The following COL1A2 variants were observed in gnomAD, a reference collection of about 807,000 sequenced individuals.
COL1A2 encodes the protein collagen alpha-2(I) chain.
A neutral mutation model predicts 174.3 loss-of-function variants in COL1A2; 49 were observed. The observed-to-expected ratio is 0.28, with a 90% CI of 0.22 to 0.36. The LOEUF is 0.36. Among genes scored for constraint, COL1A2 ranks in the 10% least tolerant of loss-of-function variants. The pLI is 1.00. For missense variants in COL1A2, 1,438 were observed against 1,822.7 expected (o/e 0.79, Z 3.84); for synonymous variants, 655 against 606.6 (o/e 1.08, Z -1.17).
intron 29 of COL1A2, among the ~76,000 whole-genome samples, 170 bp downstream of exon 29, chr7:94,414,445 C>T (rs940955772): frequency 6.6e-6 from 1 of 152,148 alleles, no homozygotes; most frequent in Admixed American, 6.5e-5. Flanking sequence ...AGCCAAATTA[C>T]TTTAGTTCTG....
At chr7:94,402,435 C>G (rs1791705582) in intron 6 of COL1A2, among the ~76,000 whole-genome samples, 1 of 152,018 alleles carries the variant, frequency 6.6e-6, no homozygotes, top group Non-Finnish European at 1.5e-5. Context: ...GAGTAAAAAT[C>G]TAGCATTTAT....
chr7:94,398,361 C>A (rs763645397), intron 2 of COL1A2, 21 bp from the exon 3 acceptor site: 7 of 868,414 alleles, frequency 8.1e-6, no homozygotes, highest in Non-Finnish European at 1.2e-5. Flanking sequence ...TCATAATAAT[C>A]TTTGATTTAT....
chr7:94,413,215 A>G (rs2115906591), intron 26 of COL1A2, 79 bp downstream of exon 26: 1 of 1,376,432 alleles, frequency 7.3e-7, no homozygotes, highest in South Asian at 1.2e-5. Flanking sequence ...ACCATCTGAT[A>G]TCATTTTGTC....
chr7:94,414,321 A>G (rs1417884071), intron 29 of COL1A2, 46 bp downstream of exon 29: 12 of 1,549,934 alleles, frequency 7.7e-6, no homozygotes, highest in Non-Finnish European at 1.1e-5. Flanking sequence ...AAACTTGAGA[A>G]TTTCCCCCTG....
chr7:94,404,941 G>T, intron 9 of COL1A2, 49 bp downstream of exon 9: 1 of 1,597,118 alleles, frequency 6.3e-7, no homozygotes, highest in Non-Finnish European at 8.6e-7. Flanking sequence ...AAATACTCTT[G>T]CCTCAACAAG....
chr7:94,398,888 A>G (rs1791632217), intron 3 of COL1A2, among the ~76,000 whole-genome samples, 161 bp from the exon 4 acceptor site: 1 of 152,142 alleles, frequency 6.6e-6, no homozygotes, highest in African/African-American at 2.4e-5. Flanking sequence ...ATTAAAATAT[A>G]TACTTTTATC....
At chr7:94,405,319 C>A in intron 10 of COL1A2, 67 bp downstream of exon 10, 1 of 1,439,472 alleles carries the variant, frequency 6.9e-7, no homozygotes. Context: ...CTAAAACTAG[C>A]ATCAATCTAA....
In COL1A2 at chr7:94,430,429, G is replaced by T. The variant is rs1347460008; in HGVS notation, c.*36G>T. The T allele has an allele frequency of 3.7e-6, 6 of 1,601,882 alleles. No homozygotes were observed. Among genetic ancestry groups the T allele is most frequent in the Non-Finnish European group, 5.1e-6 (6 of 1,174,518 alleles). ...TCTAAATTAAAAAAGAAAGAAATTT[G>T]AAAAAACTTTCTCTTTGCCATTTCT... On this transcript the variant is annotated 3_prime_UTR_variant, in exon 52 of 52. Coordinates refer to ENST00000297268, the MANE Select transcript of COL1A2 (RefSeq NM_000089.4).
intron 49 of COL1A2, 109 bp from the exon 50 acceptor site, chr7:94,428,184 A>G: frequency 9.8e-7 from 1 of 1,017,302 alleles, no homozygotes; most frequent in South Asian, 1.3e-5. Flanking sequence ...TATGGGGTAG[A>G]CAATCAAAAA....
chr7:94,425,966 G>A (rs2115953199), intron 44 of COL1A2, 32 bp from the exon 45 acceptor site: 1 of 1,613,278 alleles, frequency 6.2e-7, no homozygotes, highest in Non-Finnish European at 8.5e-7. Flanking sequence ...CTTGGGCCTA[G>A]CTAAGTTGTG....
rs760256017 is a variant in COL1A2, at chr7:94,405,809, C to T, written c.540+83C>T. ...CAAGTATGTTTAAAATCTTGGGTGACATATACTCACTTTCAAATCCCTGGA... is the reference window on the plus strand; with the variant it reads ...CAAGTATGTTTAAAATCTTGGGTGATATATACTCACTTTCAAATCCCTGGA... On this transcript the variant is annotated intron_variant, in intron 11 of 51. Coordinates refer to ENST00000297268, the MANE Select transcript of COL1A2 (RefSeq NM_000089.4). 176 of 1,058,428 alleles carry T rather than the reference C, an allele frequency of 1.7e-4. 1 individual carries two copies. Among genetic ancestry groups the T allele is most frequent in the African/African-American group, 7.3e-4 (47 of 64,002 alleles). The allele number at this position is 1,058,428 out of a possible 1,614,324, so 65.6% of individuals were successfully genotyped here.
intron 45 of COL1A2, 51 bp from the exon 46 acceptor site, chr7:94,426,372 T>A: frequency 6.8e-7 from 1 of 1,471,800 alleles, no homozygotes; most frequent in African/African-American, 1.4e-5. Flanking sequence ...GTGAAGTGAG[T>A]GCCATTTTTT....
At chr7:94,406,191 T>G in intron 11 of COL1A2, 59 bp from the exon 12 acceptor site, 1 of 1,559,418 alleles carries the variant, frequency 6.4e-7, no homozygotes, top group South Asian at 1.1e-5. Flanking sequence ...TACAATACAA[T>G]TTTTATTTGA....
chr7:94,418,996 T>A (rs1792098219), intron 33 of COL1A2, among the ~76,000 whole-genome samples: 1 of 150,278 alleles, frequency 6.7e-6, no homozygotes, highest in Non-Finnish European at 1.5e-5. Context: ...AAAGATTAGC[T>A]GTTAATGCCA....
At position 94,409,306 on chromosome 7, in the gene COL1A2, T is replaced by G. The variant is rs773650795; in HGVS notation, c.793-16T>G. 3.7e-6 allele frequency: 6 copies of G among 1,609,242 alleles called. No individual in the cohort carries two copies. In the African/African-American group the frequency reaches 6.7e-5, roughly 18 times the overall value. The stretch of plus-strand genomic sequence containing the variant: ...TTATTTGCTGGTTAATTCCTTGGTT[T>G]AATTTCCTCTTTTAGGGTGAAATTG... On this transcript the variant is annotated splice_polypyrimidine_tract_variant and intron_variant, in intron 16 of 51. Coordinates refer to ENST00000297268, the MANE Select transcript of COL1A2 (RefSeq NM_000089.4).
At chr7:94,425,910 C>T (rs1312979549) in intron 44 of COL1A2, 53 bp downstream of exon 44, 42 of 1,603,356 alleles carry the variant, frequency 2.6e-5, no homozygotes, top group Non-Finnish European at 3.3e-5. Flanking sequence ...GGCTTCACTT[C>T]TGACTTCCCC....
In COL1A2 at chr7:94,411,134, C is replaced by T. The variant is rs1791914446; in HGVS notation, c.1330C>T (p.Pro444Ser). Residue 444 changes from proline to serine, a missense_variant, in exon 23 of 52, where the codon CCT becomes TCT. Coordinates refer to ENST00000297268, the MANE Select transcript of COL1A2 (RefSeq NM_000089.4). ...TGGAGATGCTGGTCGCCCTGGGGAGCCTGGTCTCATGGGACCCAGAGTAAG... is the reference window on the plus strand; with the variant it reads ...TGGAGATGCTGGTCGCCCTGGGGAGTCTGGTCTCATGGGACCCAGAGTAAG... ...PNGDAGRPGE[P>S]GLMGPRGLPG... 1 of 1,590,968 alleles carries T rather than the reference C, an allele frequency of 6.3e-7. No individual in the cohort carries two copies. Among genetic ancestry groups the T allele is most frequent in the African/African-American group, 1.3e-5 (1 of 74,094 alleles).
chr7:94,425,549 A>G, intron 42 of COL1A2, 61 bp from the exon 43 acceptor site: 1 of 1,533,404 alleles, frequency 6.5e-7, no homozygotes. Flanking sequence ...TAGCTACAAC[A>G]TAGGGGCTGG....
chr7:94,400,217 A>G lies in COL1A2; in HGVS notation c.154A>G (p.Arg52Gly). 1 of 1,613,356 alleles carries G rather than the reference A, an allele frequency of 6.2e-7. No individual in the cohort carries two copies. Residue 52 changes from arginine to glycine, a missense_variant, in exon 5 of 52, where the codon AGA becomes GGA. By Grantham distance (125) the Arg-to-Gly change is moderately radical. This residue lies in a region of COL1A2 where 281 missense variants were observed against 310.9 expected (regional missense o/e 0.90). Coordinates refer to ENST00000297268, the MANE Select transcript of COL1A2 (RefSeq NM_000089.4). ...ACAGGGTCCACCAGGCCCCCCAGGCAGAGATGGTGAAGATGGTCCCACAGG... is the reference window on the plus strand; with the variant it reads ...ACAGGGTCCACCAGGCCCCCCAGGCGGAGATGGTGAAGATGGTCCCACAGG... ...GERGPPGPPG[R>G]DGEDGPTGPP...
Sources: gnomAD v4.1 joint callset for allele counts (sites outside exome capture counted in the v4.1 genomes callset) on GRCh38, gnomAD v4.1.1 for gene constraint, gnomAD v4.1.1 regional missense constraint, MANE v1.5 for transcripts, NCBI Gene and HGNC (gene_info 2026-07-23, HGNC 2026-07-21) for gene names.